Variants in HYAL4 observed in about 807,000 individuals in gnomAD.
HYAL4 encodes hyaluronidase 4.
In HYAL4, 37 loss-of-function variants were observed where a neutral mutation model predicts 35.2. The observed-to-expected ratio is 1.05, with a 90% CI of 0.81 to 1.38. The LOEUF (loss-of-function observed/expected upper bound fraction) is 1.38. Among genes scored for constraint, HYAL4 ranks in the 40% most tolerant of loss-of-function variants. The pLI is 0.00. For missense variants in HYAL4, 572 were observed against 572.4 expected (o/e 1.00, Z 0.01); for synonymous variants, 198 against 203.2 (o/e 0.97, Z 0.22).
intron 2 of HYAL4, among the ~76,000 whole-genome samples, chr7:123,854,222 T>G (rs572598496): frequency 6.6e-6 from 1 of 152,290 alleles, no homozygotes; most frequent in South Asian, 2.1e-4. Flanking sequence ...CTCTATTTCC[T>G]TCAGTTCTGT....
At chr7:123,833,987 G>A (rs115684708) in intron 1 of HYAL4, among the ~76,000 whole-genome samples, 3,198 of 152,122 alleles carry the variant, frequency 0.021, 103 homozygotes, top group African/African-American at 0.073. Context: ...GGTGACGATG[G>A]TCTTATAGTA....
the HYAL4 span, among the ~76,000 whole-genome samples, chr7:123,820,057 A>AT: frequency 6.6e-6 from 1 of 151,294 alleles, no homozygotes; most frequent in African/African-American, 2.4e-5. Context: ...TGTCTGACTT[A>AT]TTTTTTTGTA....
intron 1 of HYAL4, among the ~76,000 whole-genome samples, chr7:123,833,129 C>T (rs1185971866): frequency 6.6e-6 from 1 of 152,130 alleles, no homozygotes; most frequent in East Asian, 1.9e-4. Flanking sequence ...AATGGTAGTT[C>T]TACTTTTATT....
At chr7:123,869,718 G>A (rs1163589744) in intron 3 of HYAL4, among the ~76,000 whole-genome samples, 1 of 148,314 alleles carries the variant, frequency 6.7e-6, no homozygotes, top group African/African-American at 2.5e-5. Context: ...GGAGTTTTTT[G>A]TTCTTGTCAC....
At chr7:123,773,441 C>G in the HYAL4 span, among the ~76,000 whole-genome samples, 1 of 151,970 alleles carries the variant, frequency 6.6e-6, no homozygotes, top group African/African-American at 2.4e-5. Context: ...TAATTGCTAC[C>G]TGAAATTACA....
the HYAL4 span, among the ~76,000 whole-genome samples, chr7:123,810,169 C>G: frequency 4.6e-5 from 7 of 152,134 alleles, 1 homozygote; most frequent in East Asian, 5.8e-4. Flanking sequence ...GCTTCTGGTT[C>G]CTGCATGGTT....
At chr7:123,789,843 T>C in the HYAL4 span, among the ~76,000 whole-genome samples, 1 of 152,160 alleles carries the variant, frequency 6.6e-6, no homozygotes, top group Non-Finnish European at 1.5e-5. Context: ...TGTGTATATA[T>C]ATCCTATTTG....
At chr7:123,807,993 T>C in the HYAL4 span, among the ~76,000 whole-genome samples, 1 of 150,342 alleles carries the variant, frequency 6.7e-6, no homozygotes, top group Non-Finnish European at 1.5e-5. Flanking sequence ...CAGGATGGTC[T>C]CAACTTCTTG....
chr7:123,768,705 A>T, the HYAL4 span, among the ~76,000 whole-genome samples: 4 of 152,248 alleles, frequency 2.6e-5, no homozygotes, highest in Non-Finnish European at 4.4e-5. Context: ...ATCTTTGACC[A>T]GGTGAACATG....
intron 2 of HYAL4, among the ~76,000 whole-genome samples, chr7:123,850,131 G>A (rs945294177): frequency 2.0e-5 from 3 of 152,188 alleles, no homozygotes; most frequent in African/African-American, 7.2e-5. Flanking sequence ...CAATACAATT[G>A]TAGCAATAGC....
intron 2 of HYAL4, among the ~76,000 whole-genome samples, chr7:123,867,628 C>G (rs1806721505): frequency 6.6e-6 from 1 of 152,164 alleles, no homozygotes. Context: ...TCTTGCCACT[C>G]AAATCACTTT....
At position 123,868,222 on chromosome 7, in the gene HYAL4, G is replaced by C; in HGVS notation, c.-51-1G>C. On this transcript the variant is annotated splice_acceptor_variant, in intron 2 of 4. Coordinates refer to ENST00000223026, the MANE Select transcript of HYAL4 (RefSeq NM_012269.3). LOFTEE classifies it low-confidence loss of function (5UTR_SPLICE). The stretch of plus-strand genomic sequence containing the variant: ...TAACAGAAAATTAAATCTCTCCACA[G>C]GTCTTCTAGAGTGCACTAAAGCAGA... 2.1e-6 allele frequency: 2 copies of C among 935,442 alleles called. No homozygotes were observed. The highest frequency in any genetic ancestry group is 3.1e-6 in the Non-Finnish European group (2 of 640,342). 57.9% of individuals were successfully genotyped at this position (935,442 alleles called of 1,614,324 possible). A position where few individuals can be genotyped will look rare whatever the true frequency, so the allele number is the denominator to read the frequency against.
the HYAL4 span, among the ~76,000 whole-genome samples, chr7:123,787,354 G>C: frequency 6.6e-6 from 1 of 151,852 alleles, no homozygotes; most frequent in African/African-American, 2.4e-5. Flanking sequence ...GAGAGGAAAG[G>C]ATTCTTAGCT....
intron 1 of HYAL4, among the ~76,000 whole-genome samples, chr7:123,846,348 T>C (rs1806173803): frequency 6.6e-6 from 1 of 151,910 alleles, no homozygotes; most frequent in African/African-American, 2.4e-5. Context: ...GGGGTGTTGT[T>C]CCCAGGCCAA....
At chr7:123,800,263 G>A in the HYAL4 span, among the ~76,000 whole-genome samples, 2 of 150,572 alleles carry the variant, frequency 1.3e-5, no homozygotes, top group Non-Finnish European at 3.0e-5. Context: ...TCCACCTCCC[G>A]GGTTCACGCC....
At chr7:123,839,656 G>T (rs1806021693) in intron 1 of HYAL4, among the ~76,000 whole-genome samples, 1 of 152,136 alleles carries the variant, frequency 6.6e-6, no homozygotes, top group African/African-American at 2.4e-5. Context: ...GTTGTTTCCT[G>T]ACTTTTTAAT....
chr7:123,815,543 G>T, the HYAL4 span, among the ~76,000 whole-genome samples: 1 of 152,122 alleles, frequency 6.6e-6, no homozygotes, highest in Non-Finnish European at 1.5e-5. Context: ...GCAATCTAGT[G>T]GTTATTGTCA....
At chr7:123,869,842 C>G (rs935711380) in intron 3 of HYAL4, among the ~76,000 whole-genome samples, 3 of 147,486 alleles carry the variant, frequency 2.0e-5, no homozygotes, top group Non-Finnish European at 3.0e-5. Context: ...TGCTCACCCC[C>G]CCCCACCCAG....
At chr7:123,811,549 A>G in the HYAL4 span, among the ~76,000 whole-genome samples, 12 of 152,162 alleles carry the variant, frequency 7.9e-5, no homozygotes, top group Non-Finnish European at 1.8e-4. Context: ...TGTTGTTGAA[A>G]TTTAAGAGAT....
Sources: gnomAD v4.1 joint callset for allele counts (sites outside exome capture counted in the v4.1 genomes callset) on GRCh38, gnomAD v4.1.1 for gene constraint, MANE v1.5 for transcripts, NCBI Gene and HGNC (gene_info 2026-07-23, HGNC 2026-07-21) for gene names.